Variants in DLGAP4 observed in about 807,000 individuals in gnomAD.
The protein encoded by DLGAP4 is disks large-associated protein 4.
A neutral mutation model predicts 86.9 loss-of-function variants in DLGAP4; 18 were observed. That is an observed-to-expected ratio of 0.21 (90% CI 0.14 to 0.31). The LOEUF (loss-of-function observed/expected upper bound fraction) is 0.31. Ranked by LOEUF, DLGAP4 falls within the 10% of genes least tolerant of loss-of-function variation. The probability of loss-of-function intolerance (pLI) is 1.00; values close to 1 mark genes in which losing one functional copy is unlikely to be tolerated. For missense variants in DLGAP4, 1,085 were observed against 1,362.6 expected (o/e 0.80, Z 3.21); for synonymous variants, 548 against 574.3 (o/e 0.95, Z 0.65).
intron 2 of DLGAP4, among the ~76,000 whole-genome samples, chr20:36,392,229 A>G (rs1600473820): frequency 6.6e-6 from 1 of 152,300 alleles, no homozygotes; most frequent in Admixed American, 6.5e-5. Flanking sequence ...GGAGAGGAGC[A>G]AGTGTGTCAG....
intron 2 of DLGAP4, among the ~76,000 whole-genome samples, chr20:36,399,852 G>T (rs1046436096): frequency 6.6e-6 from 1 of 152,150 alleles, no homozygotes; most frequent in Admixed American, 6.5e-5. Flanking sequence ...TGCTAGTCAG[G>T]CTGTAGTCCC....
At chr20:36,443,287 G>A (rs566083811) in intron 6 of DLGAP4, among the ~76,000 whole-genome samples, 1 of 152,142 alleles carries the variant, frequency 6.6e-6, no homozygotes, top group Non-Finnish European at 1.5e-5. Flanking sequence ...GCTGCTCATG[G>A]CACTGTGGCT....
At chr20:36,436,837 A>G (rs1265975774) in intron 4 of DLGAP4, among the ~76,000 whole-genome samples, 1 of 149,372 alleles carries the variant, frequency 6.7e-6, no homozygotes, top group African/African-American at 2.5e-5. Flanking sequence ...AAAGAAAGAA[A>G]GAAAAAGAAA....
At chr20:36,471,927 G>C (rs544196486) in intron 7 of DLGAP4, among the ~76,000 whole-genome samples, 15 of 152,156 alleles carry the variant, frequency 9.9e-5, no homozygotes, top group Non-Finnish European at 2.2e-4. Context: ...CATACTTAGG[G>C]GCTCCCGGAA....
intron 1 of DLGAP4, among the ~76,000 whole-genome samples, chr20:36,320,991 C>T (rs977272890): frequency 2.0e-5 from 3 of 152,176 alleles, no homozygotes; most frequent in Non-Finnish European, 4.4e-5. Context: ...GAGCCTGCTG[C>T]GGGCCAGGTC....
At chr20:36,404,040 T>TA (rs1427319936) in intron 2 of DLGAP4, among the ~76,000 whole-genome samples, 1 of 152,186 alleles carries the variant, frequency 6.6e-6, no homozygotes, top group Non-Finnish European at 1.5e-5. Flanking sequence ...AGTATCCTGT[T>TA]AGTTACCCGG....
chr20:36,521,835 TG>T (rs2037397434), intron 10 of DLGAP4, among the ~76,000 whole-genome samples: 1 of 152,268 alleles, frequency 6.6e-6, no homozygotes, highest in African/African-American at 2.4e-5. Context: ...CAACAATTTC[TG>T]GTAAGTATTC....
At position 36,436,091 on chromosome 20, in the gene DLGAP4, C is replaced by CTG; in HGVS notation, c.1000-18_1000-17insTG. On this transcript the variant is annotated splice_polypyrimidine_tract_variant and intron_variant, in intron 3 of 12. Coordinates refer to ENST00000339266, the MANE Select transcript of DLGAP4 (RefSeq NM_001365621.2). Reference sequence around the variant, plus strand: ...ATTTTCTGCGGTGGCCCCACTGAGTCCTGTGCCCCATCCCCAGGTGCCCGG... The same window carrying CTG: ...ATTTTCTGCGGTGGCCCCACTGAGTCTGCTGTGCCCCATCCCCAGGTGCCCGG... 6.4e-7 allele frequency: 1 copy of CTG among 1,559,486 alleles called. No individual in the cohort carries two copies. Among genetic ancestry groups the CTG allele is most frequent in the Admixed American group, 1.8e-5 (1 of 55,548 alleles).
At chr20:36,454,732 T>C (rs1366136088) in intron 7 of DLGAP4, among the ~76,000 whole-genome samples, 1 of 152,224 alleles carries the variant, frequency 6.6e-6, no homozygotes, top group Admixed American at 6.5e-5. Context: ...ATCTGTGCAC[T>C]CAGGTCCTGT....
At chr20:36,430,652 A>C (rs1199765326) in intron 2 of DLGAP4, among the ~76,000 whole-genome samples, 2 of 147,376 alleles carry the variant, frequency 1.4e-5, no homozygotes, top group Non-Finnish European at 3.0e-5. Flanking sequence ...TTGTTGCAAA[A>C]AAAAAAAAAA....
chr20:36,512,931 CTTTTTTTTTTTTTTTTTTTTT>C (rs57978491), intron 10 of DLGAP4, among the ~76,000 whole-genome samples: 17 of 23,536 alleles, frequency 7.2e-4, no homozygotes, highest in South Asian at 6.6e-3. Flanking sequence ...CTCAGAGGCC[CTTTTTTTTTTTTTTTTTTTTT>C]TTTTTTTTTT....
intron 10 of DLGAP4, among the ~76,000 whole-genome samples, chr20:36,521,974 C>A (rs771864604): frequency 6.6e-6 from 1 of 152,106 alleles, no homozygotes. Context: ...AGAGACGGGC[C>A]AGGACTGTGT....
intron 1 of DLGAP4, among the ~76,000 whole-genome samples, chr20:36,349,893 G>A (rs1360254812): frequency 6.6e-6 from 1 of 152,134 alleles, no homozygotes; most frequent in Non-Finnish European, 1.5e-5. Context: ...AAGCAGCATC[G>A]CCGCGTCCCA....
At chr20:36,338,847 C>T (rs1555892271) in intron 1 of DLGAP4, among the ~76,000 whole-genome samples, 1 of 152,180 alleles carries the variant, frequency 6.6e-6, no homozygotes, top group African/African-American at 2.4e-5. Context: ...GTGACAGCCA[C>T]CCAGGTGAAG....
chr20:36,381,455 C>T (rs924388067), intron 2 of DLGAP4, among the ~76,000 whole-genome samples: 2 of 152,208 alleles, frequency 1.3e-5, no homozygotes, highest in South Asian at 4.1e-4. Flanking sequence ...CCACTAGTGG[C>T]CTACCATGTA....
At chr20:36,313,679 A>G (rs1340741816) in intron 1 of DLGAP4, among the ~76,000 whole-genome samples, 1 of 151,676 alleles carries the variant, frequency 6.6e-6, no homozygotes, top group Non-Finnish European at 1.5e-5. Context: ...TGTGTTTTCC[A>G]TGGGCACACC....
chr20:36,509,950 G>A lies in DLGAP4; in HGVS notation c.2512+9339G>A, dbSNP rs561997067. Among the ~76,000 whole-genome samples the A allele has an allele frequency of 8.9e-4, 135 of 151,802 alleles. 1 individual carries two copies. The highest frequency in any genetic ancestry group is 6.8e-3 in the Middle Eastern group (2 of 294). ...CAGATCACTGCAACCTCTGCCTCCC[G>A]GGTTCAAGCGATTCTCTTGTCCCAG... is the stretch of plus-strand genomic sequence containing the variant. On this transcript the variant is annotated intron_variant, in intron 10 of 12. Coordinates refer to ENST00000339266, the MANE Select transcript of DLGAP4 (RefSeq NM_001365621.2).
intron 2 of DLGAP4, among the ~76,000 whole-genome samples, chr20:36,423,086 A>T (rs1183521447): frequency 6.6e-6 from 1 of 152,096 alleles, no homozygotes; most frequent in Non-Finnish European, 1.5e-5. Flanking sequence ...CAAGCCCCCC[A>T]TTGCCTAGAG....
chr20:36,525,465 C>T (rs1331927755), intron 11 of DLGAP4: 2 of 292,192 alleles, frequency 6.8e-6, no homozygotes, highest in East Asian at 7.7e-5. Flanking sequence ...CAGAGTGACA[C>T]GAGGGAAACA....
Sources: gnomAD v4.1 joint callset for allele counts (sites outside exome capture counted in the v4.1 genomes callset) on GRCh38, gnomAD v4.1.1 for gene constraint, MANE v1.5 for transcripts, NCBI Gene and HGNC (gene_info 2026-07-23, HGNC 2026-07-21) for gene names.